The following TTN variants were observed in gnomAD, a reference collection of about 807,000 sequenced individuals.
TTN encodes connectin.
In TTN, 1,525 loss-of-function variants were observed where a neutral mutation model predicts 3,223.0. The ratio of observed to expected loss-of-function variants is 0.47; its 90% CI spans 0.45 to 0.49. TTN has a LOEUF of 0.49. Ranked by LOEUF, TTN falls within the 20% of genes least tolerant of loss-of-function variation. TTN has a pLI of 0.00. For synonymous variants in TTN, 14,094 were observed against 15,161.0 expected (o/e 0.93, Z 5.17); for missense variants, 40,786 against 43,424.0 (o/e 0.94, Z 5.40).
intron 346 of TTN, 27 bp downstream of exon 346, chr2:178,543,807 A>G (rs542746196): frequency 3.1e-6 from 5 of 1,610,488 alleles, no homozygotes; most frequent in Admixed American, 1.7e-5. Flanking sequence ...TACTCATTGT[A>G]TAGCCAATTT....
chr2:178,636,463 T>G lies in TTN; in HGVS notation c.41264A>C (p.Glu13755Ala). ...IIDVQLSDAG[E>A]YTCVLRLGNK... is the part of the protein sequence containing the mutation. ...TCCCAAACGTAAAACACAGGTGTAT[T>G]CACCAGCATCGGAAAGTTGAACATC... is the stretch of plus-strand genomic sequence containing the variant. Residue 13755 changes from glutamate (E) to alanine (A), a missense_variant, in exon 225 of 363, where the codon GAA (glutamate) becomes GCA (alanine). Physicochemically the swap from Glu to Ala is moderately radical, Grantham distance 107. Coordinates refer to ENST00000589042, the MANE Select transcript of TTN (RefSeq NM_001267550.2). This position sits in a 1 kb window ranked among gnomAD's most constrained non-coding sequence, Gnocchi z 4.3. 6.2e-7 allele frequency: 1 copy of G among 1,613,314 alleles called. No individual in the cohort carries two copies. Among genetic ancestry groups the G allele is most frequent in the Non-Finnish European group, 8.5e-7 (1 of 1,179,540 alleles).
At chr2:178,554,424 T>C (rs565577450) in intron 332 of TTN, 29 bp downstream of exon 332, 2 of 1,600,700 alleles carry the variant, frequency 1.2e-6, no homozygotes, top group South Asian at 1.1e-5. Context: ...TTTTTCACGT[T>C]TCAGTTTTCT....
In TTN at chr2:178,739,461, A is replaced by G. The variant is rs2082103625; in HGVS notation, c.13772T>C (p.Val4591Ala). ...GCCACCCTCAGCTTCCTGTATCTTT[A>G]CTGTAGCAACCTCCTCAGTACCACT... ...SESGTEEVATVKIQEAEGGLI... is the reference protein window; with the variant it reads ...SESGTEEVATAKIQEAEGGLI... The change falls in exon 48 of 363, where the codon GTA becomes GCA. Residue 4591 changes from valine to alanine, a missense_variant. Val to Ala is a moderately conservative substitution (Grantham distance 64). Transcript: ENST00000589042. 1 of 1,613,604 alleles carries G rather than the reference A, an allele frequency of 6.2e-7. No individual in the cohort carries two copies. Among genetic ancestry groups the G allele is most frequent in the Non-Finnish European group, 8.5e-7 (1 of 1,179,836 alleles).
chr2:178,665,707 C>T lies in TTN; in HGVS notation c.35959+1G>A. The T allele has an allele frequency of 1.5e-6, 2 of 1,335,280 alleles. No individual in the cohort carries two copies. The highest frequency in any genetic ancestry group is 1.9e-6 in the Non-Finnish European group (2 of 1,047,958). 82.7% of individuals were successfully genotyped at this position (1,335,280 alleles called of 1,614,324 possible). On this transcript the variant is annotated splice_donor_variant, in intron 164 of 362. Coordinates refer to ENST00000589042, the MANE Select transcript of TTN (RefSeq NM_001267550.2). LOFTEE classifies it high-confidence loss of function. ...GGAAGGAATGGCAGGATGAACGATACCTTTAGTGGGAGGTATTTCAATTTC... is the reference window on the plus strand; with the variant it reads ...GGAAGGAATGGCAGGATGAACGATATCTTTAGTGGGAGGTATTTCAATTTC...
At position 178,766,519 on chromosome 2, in the gene TTN, G is replaced by T; in HGVS notation, c.9565C>A (p.Gln3189Lys). The T allele has an allele frequency of 6.2e-7, 1 of 1,614,010 alleles. No homozygotes were observed. Among genetic ancestry groups the T allele is most frequent in the East Asian group, 2.2e-5 (1 of 44,856 alleles). Residue 3189 changes from glutamine (Q) to lysine (K), a missense_variant, in exon 41 of 363, where the codon CAA becomes AAA. By Grantham distance (53) the Gln-to-Lys change is moderately conservative. Transcript: ENST00000589042. Reference sequence around the variant, plus strand: ...ACATATTTGTGTCGTTCTTGAACTTGGAAATTGATTTCAATGCCATCTTTA... The same window carrying T: ...ACATATTTGTGTCGTTCTTGAACTTTGAAATTGATTTCAATGCCATCTTTA... Reference protein sequence around the residue: ...WYKDGIEINFQVQERHKYVVE... With the variant: ...WYKDGIEINFKVQERHKYVVE...
At position 178,528,715 on chromosome 2, in the gene TTN, C is replaced by T; in HGVS notation, c.107036G>A (p.Ser35679Asn). 1 of 1,613,512 alleles carries T rather than the reference C, an allele frequency of 6.2e-7. No individual in the cohort carries two copies. The highest frequency in any genetic ancestry group is 8.5e-7 in the Non-Finnish European group (1 of 1,179,684). Residue 35679 changes from serine (S) to asparagine (N), a missense_variant, in exon 360 of 363, where the codon AGC becomes AAC. By Grantham distance (46) the Ser-to-Asn change is conservative. Transcript: ENST00000589042. ...HRDEGILTCI[S>N]KTKEGIVKCQ... ...CTTGACGATTCCTTCCTTGGTTTTGCTTATGCAGGTGAGGATTCCTTCATC... is the reference window on the plus strand; with the variant it reads ...CTTGACGATTCCTTCCTTGGTTTTGTTTATGCAGGTGAGGATTCCTTCATC...
At chr2:178,735,322 G>C (rs2081263811) in intron 50 of TTN, among the ~76,000 whole-genome samples, 189 bp downstream of exon 50, 1 of 152,138 alleles carries the variant, frequency 6.6e-6, no homozygotes, top group Non-Finnish European at 1.5e-5. Context: ...AAGAACAAAA[G>C]TTAAGTGAAC....
rs879004400 is a variant in TTN at position 178,581,581 on chromosome 2, T to C, written c.66687A>G (p.Gln22229=). 6.2e-7 allele frequency: 1 copy of C among 1,612,700 alleles called. No homozygotes were observed. Among genetic ancestry groups the C allele is most frequent in the Non-Finnish European group, 8.5e-7 (1 of 1,179,166 alleles). Residue 22229 remains glutamine (Q), a synonymous_variant, in exon 316 of 363, where the codon CAA becomes CAG. Coordinates refer to ENST00000589042, the MANE Select transcript of TTN (RefSeq NM_001267550.2). The part of the protein sequence containing the change: ...VTGLMEDTQY[Q]FRVYAVNKIG... ...TCTTATTAACGGCATACACACGGAA[T>C]TGATATTGTGTGTCTTCCATCAGGC...
chr2:178,571,786 A>T lies in TTN; in HGVS notation c.74346T>A (p.Asp24782Glu), dbSNP rs1463579400. Reference protein sequence around the residue: ...LLTIKDACREDVGHYVVKLTN... With the variant: ...LLTIKDACREEVGHYVVKLTN... ...TCAGTTTAACCACATAATGGCCAAC[A>T]TCTTCTCGGCAGGCGTCCTTTATTG... Residue 24782 changes from aspartate (D) to glutamate (E), a missense_variant, in exon 326 of 363, where the codon GAT becomes GAA. By Grantham distance (45) the Asp-to-Glu change is conservative. Coordinates refer to ENST00000589042, the MANE Select transcript of TTN (RefSeq NM_001267550.2). The T allele has an allele frequency of 2.5e-6, 4 of 1,613,232 alleles. No individual in the cohort carries two copies. The Admixed American group carries it at 6.7e-5, about 27-fold the overall frequency.
rs761096621 is a variant in TTN, at chr2:178,736,015, C to A, written c.14431G>T (p.Ala4811Ser). 6.2e-7 allele frequency: 1 copy of A among 1,611,974 alleles called. No homozygotes were observed. Among genetic ancestry groups the A allele is most frequent in the Non-Finnish European group, 8.5e-7 (1 of 1,178,702 alleles). Residue 4811 changes from alanine (A) to serine (S), a missense_variant, in exon 50 of 363, where the codon GCA becomes TCA. Transcript: ENST00000589042. ...PKSLTTFVGK[A>S]AKFICTVTGT... ...GTCACTGTGCAGATGAACTTGGCTG[C>A]CTTACCCACAAAAGTTGTAAGGGAC...
chr2:178,765,397 C>A (rs1003627571), intron 41 of TTN, among the ~76,000 whole-genome samples: 1 of 152,164 alleles, frequency 6.6e-6, no homozygotes, highest in East Asian at 1.9e-4. Context: ...AAAGCATATT[C>A]TCAGTGCTGT....
At position 178,582,586 on chromosome 2, in the gene TTN, G is replaced by A. The variant is rs879192020; in HGVS notation, c.65870C>T (p.Pro21957Leu). Residue 21957 changes from proline (P) to leucine (L), a missense_variant, in exon 314 of 363, where the codon CCG becomes CTG. Physicochemically the swap from Pro to Leu is moderately conservative, Grantham distance 98. Coordinates refer to ENST00000589042, the MANE Select transcript of TTN (RefSeq NM_001267550.2). ...GATTTTAACAGATGCTGGAGGACCC[G>A]GTTTATCTGAAGGAATAAGGAAGAA... is the stretch of plus-strand genomic sequence containing the variant. ...ATIKLKVLDK[P>L]GPPASVKINK... 1.5e-5 allele frequency: 24 copies of A among 1,604,216 alleles called. No individual in the cohort carries two copies. Among genetic ancestry groups the A allele is most frequent in the African/African-American group, 5.4e-5 (4 of 74,620 alleles).
At position 178,701,601 on chromosome 2, in the gene TTN, T is replaced by C. The variant is rs568116706; in HGVS notation, c.30539-14A>G. On this transcript the variant is annotated splice_polypyrimidine_tract_variant and intron_variant, in intron 109 of 362. Transcript: ENST00000589042. ...AGTCAGGAATATCTGGAAAGGGACA[T>C]GTAATAAGCATAGAGAGACTGAGAA... 3 of 1,613,018 alleles carry C rather than the reference T, an allele frequency of 1.9e-6. No homozygotes were observed. Among genetic ancestry groups the C allele is most frequent in the African/African-American group, 2.7e-5 (2 of 75,026 alleles).
At chr2:178,687,990 T>C in intron 127 of TTN, 121 bp downstream of exon 127, 1 of 704,010 alleles carries the variant, frequency 1.4e-6, no homozygotes, top group South Asian at 1.9e-5. Flanking sequence ...ATGAGACTGG[T>C]AGATGTTCAC....
chr2:178,526,800 A>C lies in TTN; in HGVS notation c.*212T>G, dbSNP rs911560796. 2 of 458,180 alleles carry C rather than the reference A, an allele frequency of 4.4e-6. No homozygotes were observed. Among genetic ancestry groups the C allele is most frequent in the African/African-American group, 3.9e-5 (2 of 51,004 alleles). 28.4% of individuals were successfully genotyped at this position (458,180 alleles called of 1,614,324 possible). On this transcript the variant is annotated 3_prime_UTR_variant, in exon 363 of 363. Coordinates refer to ENST00000589042, the MANE Select transcript of TTN (RefSeq NM_001267550.2). Reference sequence around the variant, plus strand: ...ACTTTATAACCGTTAATCCGGCTATATACAGTATGTACATGTCACTAGCAA... The same window carrying C: ...ACTTTATAACCGTTAATCCGGCTATCTACAGTATGTACATGTCACTAGCAA...
chr2:178,642,769 T>C (rs1576828688), intron 218 of TTN, among the ~76,000 whole-genome samples: 1 of 151,780 alleles, frequency 6.6e-6, no homozygotes, highest in Non-Finnish European at 1.5e-5. Flanking sequence ...TGGCCAAGAG[T>C]TCCGGTTTGT....
chr2:178,680,136 A>G, intron 139 of TTN, 81 bp from the exon 140 acceptor site: 2 of 1,583,744 alleles, frequency 1.3e-6, no homozygotes, highest in African/African-American at 1.4e-5. Context: ...AGGCCCATTT[A>G]TAACAGAAGA....
chr2:178,646,753 A>C (rs772491112), intron 215 of TTN, among the ~76,000 whole-genome samples, 194 bp from the exon 216 acceptor site: 1 of 152,050 alleles, frequency 6.6e-6, no homozygotes, highest in Non-Finnish European at 1.5e-5. Flanking sequence ...AGATTATTCA[A>C]TGTATATTGA....
At position 178,724,440 on chromosome 2, in the gene TTN, C is replaced by T. The variant is rs768060617; in HGVS notation, c.20935G>A (p.Val6979Ile). The change falls in exon 72 of 363, where the codon GTT (valine) becomes ATT (isoleucine). Residue 6979 changes from valine to isoleucine, a missense_variant. Coordinates refer to ENST00000589042, the MANE Select transcript of TTN (RefSeq NM_001267550.2). Reference protein sequence around the residue: ...CKVAGTPELSVEWYKDGKLLT... With the variant: ...CKVAGTPELSIEWYKDGKLLT... ...AGCTTTCCATCCTTGTACCATTCAA[C>T]AGAGAGTTCCGGAGTGCCAGCCACC... is the stretch of plus-strand genomic sequence containing the variant. 5 of 1,613,340 alleles carry T rather than the reference C, an allele frequency of 3.1e-6. No individual in the cohort carries two copies. The highest frequency in any genetic ancestry group is 4.2e-6 in the Non-Finnish European group (5 of 1,179,560).
Sources: gnomAD v4.1 joint callset for allele counts (sites outside exome capture counted in the v4.1 genomes callset) on GRCh38, gnomAD v4.1.1 for gene constraint, Gnocchi (gnomAD v3.1) non-coding constraint, MANE v1.5 for transcripts, NCBI Gene and HGNC (gene_info 2026-07-23, HGNC 2026-07-21) for gene names.